The following NLK variants were observed in gnomAD, a reference collection of about 807,000 sequenced individuals.
NLK encodes the protein nemo like kinase.
NLK carries 11 observed loss-of-function variants against 59.0 expected under a neutral mutation model. The observed-to-expected ratio is 0.19, with a 90% CI of 0.12 to 0.31. The LOEUF is 0.31. NLK is among the 10% of genes least tolerant of loss of function. The pLI, the probability that NLK is intolerant of heterozygous loss-of-function variation, is 1.00. For missense variants in NLK, 410 were observed against 661.1 expected (o/e 0.62, Z 4.16); for synonymous variants, 235 against 235.9 (o/e 1.00, Z 0.03).
At chr17:28,086,970 C>G (rs1910539891) in intron 1 of NLK, among the ~76,000 whole-genome samples, 1 of 151,538 alleles carries the variant, frequency 6.6e-6, no homozygotes, top group African/African-American at 2.4e-5. Context: ...ATCACTTGAG[C>G]TCAGGAGTTC....
At chr17:28,175,717 G>A (rs1908651677) in intron 7 of NLK, among the ~76,000 whole-genome samples, 2 of 152,254 alleles carry the variant, frequency 1.3e-5, no homozygotes, top group South Asian at 4.1e-4. Context: ...GGAGAACATA[G>A]AATAGTGCCT....
chr17:28,178,917 C>G (rs1207534833), intron 7 of NLK, among the ~76,000 whole-genome samples: 1 of 152,210 alleles, frequency 6.6e-6, no homozygotes, highest in Non-Finnish European at 1.5e-5. Flanking sequence ...GGGACACTTG[C>G]ACGGTCTAGC....
chr17:28,078,447 T>C lies in NLK; in HGVS notation c.458+35116T>C, dbSNP rs117503300. Reference sequence around the variant, plus strand: ...TATCTCCCCTGTGCCACACACACAGTCTTCCTCTTGGTAGCAATATTGAAC... The same window carrying C: ...TATCTCCCCTGTGCCACACACACAGCCTTCCTCTTGGTAGCAATATTGAAC... On this transcript the variant is annotated intron_variant, in intron 1 of 10. Coordinates refer to ENST00000407008, the MANE Select transcript of NLK (RefSeq NM_016231.5). Among the ~76,000 whole-genome samples the C allele has an allele frequency of 3.3e-4, 50 of 152,306 alleles. No individual in the cohort carries two copies. In the East Asian group the frequency reaches 8.5e-3, roughly 26 times the overall value.
chr17:28,057,315 A>C (rs751939917), intron 1 of NLK, among the ~76,000 whole-genome samples: 3 of 152,156 alleles, frequency 2.0e-5, no homozygotes, highest in Non-Finnish European at 4.4e-5. Context: ...TGATTAATTT[A>C]AGACTTATAC....
chr17:28,192,204 G>A lies in NLK; in HGVS notation c.1520G>A (p.Ser507Asn). The change falls in exon 10 of 11, where the codon AGC becomes AAC. Residue 507 changes from serine (S) to asparagine (N), a missense_variant. Physicochemically the swap from Ser to Asn is conservative, Grantham distance 46 (BLOSUM62 1). Transcript: ENST00000407008. ...AACCCTCAGTCTGCTGCTTTTAAGA[G>A]CTTTATTAGGTAACTATATGTATGT... ...CINPQSAAFK[S>N]FISSTVAQPS... The A allele has an allele frequency of 1.3e-6, 2 of 1,564,336 alleles. No homozygotes were observed. The highest frequency in any genetic ancestry group is 1.8e-6 in the Non-Finnish European group (2 of 1,137,366).
At chr17:28,101,647 TTGC>T (rs1376325889) in intron 1 of NLK, among the ~76,000 whole-genome samples, 1 of 152,222 alleles carries the variant, frequency 6.6e-6, no homozygotes, top group Non-Finnish European at 1.5e-5. Context: ...CCCTGGAACT[TTGC>T]TGCTTTCATT....
chr17:28,051,281 G>A (rs951877301), intron 1 of NLK, among the ~76,000 whole-genome samples: 8 of 147,974 alleles, frequency 5.4e-5, no homozygotes, highest in Admixed American at 3.4e-4. Flanking sequence ...AATCTCATTT[G>A]TTTGTTTGTT....
At chr17:28,098,927 C>T (rs1904804972) in intron 1 of NLK, among the ~76,000 whole-genome samples, 1 of 152,024 alleles carries the variant, frequency 6.6e-6, no homozygotes, top group South Asian at 2.1e-4. Context: ...GGTGATTCAC[C>T]TACCTCTGCT....
chr17:28,097,024 A>AC (rs1253747832), intron 1 of NLK, among the ~76,000 whole-genome samples: 3 of 152,002 alleles, frequency 2.0e-5, no homozygotes, highest in African/African-American at 7.3e-5. Flanking sequence ...ACATCCCATC[A>AC]CCACCACCTC....
At chr17:28,109,142 G>A (rs1170718178) in intron 1 of NLK, among the ~76,000 whole-genome samples, 1 of 151,726 alleles carries the variant, frequency 6.6e-6, no homozygotes, top group Non-Finnish European at 1.5e-5. Context: ...CTGCACTCCA[G>A]CCTGGGCAAC....
chr17:28,202,832 A>G, the NLK span, among the ~76,000 whole-genome samples: 146,655 of 151,676 alleles, frequency 0.97, 70,997 homozygotes, highest in African/African-American at 0.99. Context: ...ACAGGCACTC[A>G]CCACCACGCC....
chr17:28,091,016 A>G (rs938159312), intron 1 of NLK, among the ~76,000 whole-genome samples: 1 of 152,138 alleles, frequency 6.6e-6, no homozygotes, highest in Non-Finnish European at 1.5e-5. Context: ...ATATAGTGGA[A>G]TACTATATAT....
At chr17:28,123,883 T>G (rs1906179688) in intron 2 of NLK, among the ~76,000 whole-genome samples, 1 of 152,180 alleles carries the variant, frequency 6.6e-6, no homozygotes, top group African/African-American at 2.4e-5. Flanking sequence ...CTCAAATTCT[T>G]TATATAATAC....
chr17:28,200,307 G>T (rs1044931556), downstream of NLK, among the ~76,000 whole-genome samples: 1 of 151,998 alleles, frequency 6.6e-6, no homozygotes, highest in Non-Finnish European at 1.5e-5. Context: ...TTAGATATAT[G>T]ATCCATTTTG....
intron 7 of NLK, among the ~76,000 whole-genome samples, chr17:28,178,080 A>G (rs1221504016): frequency 6.6e-6 from 1 of 152,230 alleles, no homozygotes; most frequent in Non-Finnish European, 1.5e-5. Flanking sequence ...ACTGTGTCAT[A>G]TGTGACCTCC....
chr17:28,199,706 A>C (rs1192556434), downstream of NLK, among the ~76,000 whole-genome samples: 3 of 150,886 alleles, frequency 2.0e-5, no homozygotes, highest in African/African-American at 4.9e-5. Flanking sequence ...AAAAAAAAAA[A>C]ACAACTAGAT....
In NLK at chr17:28,154,343, G is replaced by A. The variant is rs1206502297; in HGVS notation, c.645-6817G>A. ...GCTGGAGACTAAAAGTTTATTCCCT[G>A]GACACCCACTAACATAGAATTCTGG... On this transcript the variant is annotated intron_variant, in intron 3 of 10. Transcript: ENST00000407008. Among the ~76,000 whole-genome samples, 7 of 152,056 alleles carry A rather than the reference G, an allele frequency of 4.6e-5. No homozygotes were observed. The South Asian group carries it at 1.5e-3, about 32-fold the overall frequency.
In NLK at chr17:28,043,260, G is replaced by C. The variant is rs1385812212; in HGVS notation, c.387G>C (p.Ser129=). The C allele has an allele frequency of 6.2e-7, 1 of 1,613,186 alleles. No homozygotes were observed. Among genetic ancestry groups the C allele is most frequent in the African/African-American group, 1.3e-5 (1 of 74,840 alleles). ...ATVKAHHHQH[S]HHPQQQLDIE... is the part of the protein sequence containing the mutation. The stretch of plus-strand genomic sequence containing the variant: ...TTAAGGCGCACCATCATCAGCACTC[G>C]CATCATCCACAGCAGCAGCTGGATA... The change falls in exon 1 of 11, where the codon TCG becomes TCC. Residue 129 remains serine, a synonymous_variant. Coordinates refer to ENST00000407008, the MANE Select transcript of NLK (RefSeq NM_016231.5).
intron 7 of NLK, among the ~76,000 whole-genome samples, chr17:28,177,428 G>T (rs536644774): frequency 2.2e-4 from 34 of 152,128 alleles, no homozygotes; most frequent in Non-Finnish European, 4.1e-4. Flanking sequence ...AGTTTAAACT[G>T]GCTTAAGCGA....
Sources: gnomAD v4.1 joint callset for allele counts (sites outside exome capture counted in the v4.1 genomes callset) on GRCh38, gnomAD v4.1.1 for gene constraint, MANE v1.5 for transcripts, NCBI Gene and HGNC (gene_info 2026-07-23, HGNC 2026-07-21) for gene names.